GULP1: variants seen among roughly 807,000 people sequenced by gnomAD.
GULP1 encodes GULP PTB domain containing engulfment adaptor 1.
Under a neutral mutation model 40.9 loss-of-function variants are expected in GULP1, and 19 were observed. The observed-to-expected ratio is 0.46, with a 90% CI of 0.32 to 0.68. The LOEUF is 0.68. Ranked by LOEUF, GULP1 falls within the 30% of genes least tolerant of loss-of-function variation. The probability of loss-of-function intolerance (pLI) is 0.03; values close to 1 mark genes in which losing one functional copy is unlikely to be tolerated. For missense variants in GULP1, 312 were observed against 362.2 expected (o/e 0.86, Z 1.12); for synonymous variants, 119 against 117.6 (o/e 1.01, Z -0.08).
intron 1 of GULP1, among the ~76,000 whole-genome samples, chr2:188,358,997 C>A (rs1465899084): frequency 1.3e-5 from 2 of 151,770 alleles, no homozygotes; most frequent in Non-Finnish European, 2.9e-5. Context: ...GGAAAAGAAC[C>A]AAAAATTTCT....
intron 2 of GULP1, among the ~76,000 whole-genome samples, chr2:188,470,478 T>C (rs2060496352): frequency 6.6e-6 from 1 of 152,144 alleles, no homozygotes; most frequent in African/African-American, 2.4e-5. Flanking sequence ...GCTCTTGTTT[T>C]CCTAATTTTT....
chr2:188,431,283 T>A (rs1397444657), intron 2 of GULP1, among the ~76,000 whole-genome samples: 1 of 151,670 alleles, frequency 6.6e-6, no homozygotes, highest in Non-Finnish European at 1.5e-5. Context: ...ACAACAGATG[T>A]AGAACTGGAG....
intron 4 of GULP1, among the ~76,000 whole-genome samples, chr2:188,509,609 T>C (rs1276429470): frequency 6.6e-6 from 1 of 152,090 alleles, no homozygotes; most frequent in East Asian, 1.9e-4. Context: ...CTTAATATGA[T>C]CACTCATTTT....
At chr2:188,436,309 C>T (rs779267210) in intron 2 of GULP1, among the ~76,000 whole-genome samples, 3 of 151,936 alleles carry the variant, frequency 2.0e-5, no homozygotes, top group Non-Finnish European at 4.4e-5. Flanking sequence ...ATTACCTTTC[C>T]CTAAAATCCT....
In GULP1 at chr2:188,372,356, A is replaced by G. The variant is rs188569141; in HGVS notation, c.-171-11407A>G. Among the ~76,000 whole-genome samples, 38 of 152,174 alleles carry G rather than the reference A, an allele frequency of 2.5e-4. No homozygotes were observed. In the East Asian group the frequency reaches 7.2e-3, roughly 29 times the overall value. ...CTTCTTTTAACTACATACAGCTTGG[A>G]AATTAAATATCGTTAGTATTACATA... On this transcript the variant is annotated intron_variant, in intron 1 of 11. Coordinates refer to ENST00000409830, the MANE Select transcript of GULP1 (RefSeq NM_016315.4).
At chr2:188,491,614 C>T (rs543457260) in intron 4 of GULP1, 11 of 152,118 alleles carry the variant, frequency 7.2e-5, no homozygotes, top group African/African-American at 2.6e-4. Flanking sequence ...AGCAATTTGC[C>T]TCCAGATTCA....
At chr2:188,496,552 T>C (rs2062915359) in intron 4 of GULP1, among the ~76,000 whole-genome samples, 1 of 151,966 alleles carries the variant, frequency 6.6e-6, no homozygotes, top group Admixed American at 6.6e-5. Context: ...AACATGTCAA[T>C]AAAAATAATT....
chr2:188,307,002 G>GATTCTA (rs2037207198), intron 1 of GULP1, among the ~76,000 whole-genome samples: 1 of 152,150 alleles, frequency 6.6e-6, no homozygotes, highest in Admixed American at 6.6e-5. Flanking sequence ...CGTAAATCTG[G>GATTCTA]ATTCTAAGTT....
chr2:188,578,240 A>G (rs1252737917), intron 9 of GULP1, among the ~76,000 whole-genome samples: 1 of 152,038 alleles, frequency 6.6e-6, no homozygotes, highest in Non-Finnish European at 1.5e-5. Context: ...ATTATTGTTT[A>G]AATGTATTTA....
intron 1 of GULP1, among the ~76,000 whole-genome samples, chr2:188,358,037 G>A (rs2045586228): frequency 6.6e-6 from 1 of 151,936 alleles, no homozygotes; most frequent in Non-Finnish European, 1.5e-5. Flanking sequence ...AAAAATTAGT[G>A]GGGTGTGGTG....
intron 1 of GULP1, among the ~76,000 whole-genome samples, chr2:188,341,383 T>C (rs1417163674): frequency 6.6e-6 from 1 of 152,094 alleles, no homozygotes; most frequent in Non-Finnish European, 1.5e-5. Context: ...AAACCATTCA[T>C]GAGAAATCCA....
chr2:188,334,902 A>C (rs1266638676), intron 1 of GULP1, among the ~76,000 whole-genome samples: 1 of 152,216 alleles, frequency 6.6e-6, no homozygotes, highest in Non-Finnish European at 1.5e-5. Flanking sequence ...GAAATAATGC[A>C]AAATGTGCTG....
intron 1 of GULP1, among the ~76,000 whole-genome samples, chr2:188,310,406 A>T (rs2037886235): frequency 6.6e-6 from 1 of 152,204 alleles, no homozygotes; most frequent in Non-Finnish European, 1.5e-5. Flanking sequence ...GTGATGTTTA[A>T]TTTATAGAAA....
intron 1 of GULP1, among the ~76,000 whole-genome samples, chr2:188,381,514 C>T (rs981827620): frequency 1.3e-5 from 2 of 151,858 alleles, no homozygotes; most frequent in African/African-American, 2.4e-5. Flanking sequence ...ATTGAATTGA[C>T]CATTTTAAGG....
chr2:188,460,292 G>T (rs1393843575), intron 2 of GULP1, among the ~76,000 whole-genome samples: 1 of 151,910 alleles, frequency 6.6e-6, no homozygotes, highest in Non-Finnish European at 1.5e-5. Context: ...GAATATCTTT[G>T]CATTTTCTGG....
At chr2:188,497,335 A>C (rs80185037) in intron 4 of GULP1, among the ~76,000 whole-genome samples, 212 of 152,160 alleles carry the variant, frequency 1.4e-3, no homozygotes, top group African/African-American at 4.9e-3. Context: ...GAATGCAGAC[A>C]TGCATAACAT....
chr2:188,495,455 T>A (rs1261613166), intron 4 of GULP1, among the ~76,000 whole-genome samples: 1 of 152,062 alleles, frequency 6.6e-6, no homozygotes, highest in East Asian at 1.9e-4. Context: ...GATAGAAAAT[T>A]AGTCCCATGT....
intron 4 of GULP1, among the ~76,000 whole-genome samples, chr2:188,521,476 C>T (rs527433161): frequency 1.8e-4 from 27 of 152,188 alleles, no homozygotes; most frequent in African/African-American, 5.3e-4. Flanking sequence ...CACAGTTCCA[C>T]GGGGCTGGGG....
At chr2:188,490,328 G>A (rs1282683688) in intron 4 of GULP1, among the ~76,000 whole-genome samples, 2 of 152,032 alleles carry the variant, frequency 1.3e-5, no homozygotes, top group Non-Finnish European at 2.9e-5. Context: ...TATTTATTGC[G>A]ATATACTGTT....
Sources: allele counts gnomAD v4.1 joint callset (sites outside exome capture counted in the v4.1 genomes callset), GRCh38; gene constraint gnomAD v4.1.1; transcripts MANE v1.5; gene names NCBI Gene and HGNC (gene_info 2026-07-23, HGNC 2026-07-21).